The following LRBA variants were observed in gnomAD, a reference collection of about 807,000 sequenced individuals.
The protein encoded by LRBA is lipopolysaccharide-responsive and beige-like anchor protein.
In LRBA, 176 loss-of-function variants were observed where a neutral mutation model predicts 330.0. The observed-to-expected ratio is 0.53, with a 90% CI of 0.47 to 0.60. LRBA has a LOEUF of 0.60. Among genes scored for constraint, LRBA ranks in the 20% least tolerant of loss-of-function variants. LRBA has a pLI of 0.00. For synonymous variants in LRBA, 1,230 were observed against 1,193.0 expected, an observed-to-expected ratio of 1.03 and a Z score of -0.64; for missense variants, 3,259 against 3,444.8, an observed-to-expected ratio of 0.95 and a Z score of 1.35.
chr4:150,784,401 G>A (rs1738723192), intron 34 of LRBA, among the ~76,000 whole-genome samples: 1 of 152,174 alleles, frequency 6.6e-6, no homozygotes, highest in Admixed American at 6.5e-5. Context: ...ACCCAAACTT[G>A]GTGATTATCG....
intron 42 of LRBA, among the ~76,000 whole-genome samples, chr4:150,481,090 T>C (rs1201757149): frequency 6.6e-6 from 1 of 152,196 alleles, no homozygotes; most frequent in African/African-American, 2.4e-5. Context: ...GAACACGCAG[T>C]GTTTAACTTT....
intron 33 of LRBA, among the ~76,000 whole-genome samples, chr4:150,798,800 A>C (rs1258083711): frequency 6.6e-6 from 1 of 152,190 alleles, no homozygotes; most frequent in African/African-American, 2.4e-5. Flanking sequence ...ATTACCAATA[A>C]AATATAAAGT....
intron 2 of LRBA, among the ~76,000 whole-genome samples, chr4:150,939,019 T>C (rs751447260): frequency 4.6e-5 from 7 of 152,354 alleles, no homozygotes; most frequent in East Asian, 1.9e-4. Flanking sequence ...AGTGTCTTTT[T>C]TGACCTACTT....
intron 40 of LRBA, among the ~76,000 whole-genome samples, chr4:150,529,079 T>G (rs774503859): frequency 8.5e-5 from 13 of 152,348 alleles, no homozygotes; most frequent in Non-Finnish European, 1.9e-4. Flanking sequence ...CTTATGGGTT[T>G]AAAAGATTTC....
intron 48 of LRBA, among the ~76,000 whole-genome samples, chr4:150,328,398 T>C (rs1030119996): frequency 3.3e-5 from 5 of 150,806 alleles, no homozygotes; most frequent in Admixed American, 6.6e-5. Flanking sequence ...TTAAGTTACT[T>C]TTTTTTTTAT....
chr4:150,284,755 G>A (rs1204578302), intron 54 of LRBA, among the ~76,000 whole-genome samples: 2 of 152,040 alleles, frequency 1.3e-5, no homozygotes, highest in Admixed American at 6.6e-5. Context: ...TGAACTCCTG[G>A]CCTCAAATGA....
At position 150,324,515 on chromosome 4, in the gene LRBA, AAAG is replaced by A. The variant is rs1379193824; in HGVS notation, c.7452+1291_7452+1293del. On this transcript the variant is annotated intron_variant, in intron 49 of 56. Transcript: ENST00000651943. ...TGATGGCCAATTCATACTGCTAGAT[AAAG>A]AAGGAGAAAAAATCTTGGAAGAAGA... is the stretch of plus-strand genomic sequence containing the variant. Among the ~76,000 whole-genome samples the A allele has an allele frequency of 3.9e-5, 6 of 152,226 alleles. No homozygotes were observed. In the East Asian group the frequency reaches 9.7e-4, roughly 24 times the overall value.
intron 40 of LRBA, among the ~76,000 whole-genome samples, chr4:150,576,664 C>T (rs1009048274): frequency 6.6e-6 from 1 of 151,806 alleles, no homozygotes; most frequent in Non-Finnish European, 1.5e-5. Flanking sequence ...TTTCTCATTC[C>T]ACTATATAAT....
chr4:150,723,325 A>T (rs922082558), intron 36 of LRBA, among the ~76,000 whole-genome samples: 1 of 152,196 alleles, frequency 6.6e-6, no homozygotes, highest in South Asian at 2.1e-4. Context: ...AGGAGAGCAA[A>T]GAGTAAAGAG....
chr4:150,295,999 C>A (rs543713572), intron 53 of LRBA, among the ~76,000 whole-genome samples: 17 of 152,126 alleles, frequency 1.1e-4, no homozygotes, highest in South Asian at 1.0e-3. Context: ...ATTCTACCCC[C>A]CAAAAAGAAA....
At chr4:150,996,462 C>G (rs937656806) in intron 2 of LRBA, among the ~76,000 whole-genome samples, 12 of 152,006 alleles carry the variant, frequency 7.9e-5, no homozygotes, top group African/African-American at 2.7e-4. Flanking sequence ...TAATCAATCC[C>G]TAAATATTAA....
At position 150,465,434 on chromosome 4, in the gene LRBA, T is replaced by C; in HGVS notation, c.6780+2239A>G. ...TTTTTAATTTTTTGAGAAACTACCA[T>C]ACTGTTTGACATATAAGCTGCACTA... On this transcript the variant is annotated intron_variant, in intron 44 of 56. Transcript: ENST00000651943. Among the ~76,000 whole-genome samples, 2 of 152,104 alleles carry C rather than the reference T, an allele frequency of 1.3e-5. 1 individual carries two copies. The highest frequency in any genetic ancestry group is 2.9e-5 in the Non-Finnish European group (2 of 67,968).
intron 2 of LRBA, among the ~76,000 whole-genome samples, chr4:150,955,376 A>G (rs1737426504): frequency 6.7e-6 from 1 of 149,468 alleles, no homozygotes; most frequent in Non-Finnish European, 1.5e-5. Flanking sequence ...AGCAGTGTTC[A>G]GAGGGAATTT....
intron 34 of LRBA, among the ~76,000 whole-genome samples, chr4:150,790,271 A>G (rs563181063): frequency 6.6e-6 from 1 of 152,298 alleles, no homozygotes; most frequent in East Asian, 1.9e-4. Context: ...TTTACCTCAA[A>G]GGTTGTGTTT....
intron 52 of LRBA, among the ~76,000 whole-genome samples, chr4:150,307,776 T>A (rs368811229): frequency 6.6e-6 from 1 of 151,976 alleles, no homozygotes; most frequent in African/African-American, 2.4e-5. Flanking sequence ...AAAAGACATG[T>A]CCAAGACTCA....
intron 51 of LRBA, among the ~76,000 whole-genome samples, chr4:150,312,479 A>AT: frequency 6.6e-6 from 1 of 152,144 alleles, no homozygotes; most frequent in East Asian, 1.9e-4. Flanking sequence ...ACTAGATAAA[A>AT]TAAAGACATA....
chr4:150,502,997 G>A (rs1171912338), intron 40 of LRBA, among the ~76,000 whole-genome samples: 1 of 152,212 alleles, frequency 6.6e-6, no homozygotes, highest in African/African-American at 2.4e-5. Flanking sequence ...TGGCAGCGAG[G>A]CTGGGGGAGG....
intron 17 of LRBA, among the ~76,000 whole-genome samples, chr4:150,881,896 G>A (rs1255869310): frequency 6.6e-6 from 1 of 152,162 alleles, no homozygotes; most frequent in Non-Finnish European, 1.5e-5. Flanking sequence ...AGACCAGCCA[G>A]ACCAACATGG....
At chr4:150,401,711 T>A (rs905031933) in intron 47 of LRBA, among the ~76,000 whole-genome samples, 4 of 152,058 alleles carry the variant, frequency 2.6e-5, no homozygotes, top group African/African-American at 7.2e-5. Context: ...TCAACATAAG[T>A]TTATAAAATG....
Sources: gnomAD v4.1 joint callset for allele counts (sites outside exome capture counted in the v4.1 genomes callset) on GRCh38, gnomAD v4.1.1 for gene constraint, MANE v1.5 for transcripts, NCBI Gene and HGNC (gene_info 2026-07-23, HGNC 2026-07-21) for gene names.